MYBL1: variants seen among roughly 807,000 people sequenced by gnomAD.
MYBL1 encodes the protein myb-related protein A.
A neutral mutation model predicts 96.3 loss-of-function variants in MYBL1; 17 were observed. The ratio of observed to expected loss-of-function variants is 0.18; its 90% CI spans 0.12 to 0.26. The LOEUF (loss-of-function observed/expected upper bound fraction) is 0.26, where lower values mean the gene tolerates loss of function less well. Among genes scored for constraint, MYBL1 ranks in the 10% least tolerant of loss-of-function variants. MYBL1 has a pLI of 1.00. For synonymous variants in MYBL1, 282 were observed against 292.7 expected (o/e 0.96, Z 0.37); for missense variants, 701 against 882.9 (o/e 0.79, Z 2.61).
At chr8:66,578,485 C>T (rs950812224) in intron 9 of MYBL1, among the ~76,000 whole-genome samples, 3 of 152,182 alleles carry the variant, frequency 2.0e-5, no homozygotes, top group African/African-American at 7.2e-5. Flanking sequence ...AAAAAATGCT[C>T]ATCATCACTG....
chr8:66,612,231 G>A (rs1279734926), intron 1 of MYBL1: 1 of 152,206 alleles, frequency 6.6e-6, no homozygotes, highest in Non-Finnish European at 1.5e-5. Context: ...GGTCCCAAGA[G>A]AGGATATTAA....
chr8:66,586,068 T>G (rs990478639), intron 8 of MYBL1, among the ~76,000 whole-genome samples: 3 of 139,344 alleles, frequency 2.2e-5, no homozygotes, highest in Non-Finnish European at 3.0e-5. Flanking sequence ...TTTTTTGAGA[T>G]AAGGTCCGGC....
At chr8:66,593,783 T>C (rs763244585) in intron 6 of MYBL1, among the ~76,000 whole-genome samples, 3 of 152,176 alleles carry the variant, frequency 2.0e-5, no homozygotes, top group African/African-American at 2.4e-5. Context: ...ATTTTCAAGA[T>C]ACATATAAAT....
intron 12 of MYBL1, among the ~76,000 whole-genome samples, chr8:66,571,156 A>T (rs1054428550): frequency 9.2e-5 from 14 of 152,250 alleles, no homozygotes; most frequent in Non-Finnish European, 1.5e-5. Context: ...CGTATTTCTA[A>T]AGAACTTGTC....
At position 66,569,806 on chromosome 8, in the gene MYBL1, C is replaced by A. The variant is rs960017838; in HGVS notation, c.1728+2676G>T. ...GTTCTAATGTGTCAAAAGCAAAGAACTCCTGCATTTAATACTTTTCAGGTT... is the reference window on the plus strand; with the variant it reads ...GTTCTAATGTGTCAAAAGCAAAGAAATCCTGCATTTAATACTTTTCAGGTT... On this transcript the variant is annotated intron_variant, in intron 12 of 15. Transcript: ENST00000522677. 3.6e-4 allele frequency among the ~76,000 whole-genome samples: 55 copies of A among 152,206 alleles called. 1 individual carries two copies. The highest frequency in any genetic ancestry group is 2.5e-4 in the Non-Finnish European group (17 of 68,036).
rs544544955 is a variant in MYBL1 at position 66,588,886 on chromosome 8, G to A, written c.867+3554C>T. Among the ~76,000 whole-genome samples the A allele has an allele frequency of 5.9e-4, 90 of 152,280 alleles. 1 individual carries two copies. The highest frequency in any genetic ancestry group is 2.0e-3 in the African/African-American group (82 of 41,560). ...AACACAAAAATTAGCTGGGTATGGT[G>A]GCACATGCCTGTAATCTCAGCTACT... On this transcript the variant is annotated intron_variant, in intron 8 of 15. Transcript: ENST00000522677.
intron 12 of MYBL1, among the ~76,000 whole-genome samples, chr8:66,567,974 G>A (rs2129702612): frequency 6.6e-6 from 1 of 150,408 alleles, no homozygotes; most frequent in Non-Finnish European, 1.5e-5. Context: ...TTGAACCCAG[G>A]AGGCAGAAGT....
At position 66,612,913 on chromosome 8, in the gene MYBL1, T is replaced by C; in HGVS notation, c.-75A>G. On this transcript the variant is annotated 5_prime_UTR_variant, in exon 1 of 16. Transcript: ENST00000522677. ...CCTCCAGCCTCCGGCGAATGCTCCTTCTCCCCGATCCTCTAGCCGCTTCCC... is the reference window on the plus strand; with the variant it reads ...CCTCCAGCCTCCGGCGAATGCTCCTCCTCCCCGATCCTCTAGCCGCTTCCC... 7.6e-7 allele frequency: 1 copy of C among 1,309,122 alleles called. No individual in the cohort carries two copies. The highest frequency in any genetic ancestry group is 2.7e-5 in the South Asian group (1 of 37,072). The allele number at this position is 1,309,122 out of a possible 1,614,324, so 81.1% of individuals were successfully genotyped here.
chr8:66,582,348 AT>A (rs1258997990), intron 8 of MYBL1, among the ~76,000 whole-genome samples: 2 of 152,022 alleles, frequency 1.3e-5, no homozygotes, highest in Admixed American at 6.6e-5. Context: ...GGAAAAAGAT[AT>A]TCTATGCAAA....
chr8:66,569,606 C>T (rs1356312413), intron 12 of MYBL1, among the ~76,000 whole-genome samples: 1 of 152,114 alleles, frequency 6.6e-6, no homozygotes, highest in Non-Finnish European at 1.5e-5. Context: ...CTGTCTTGAT[C>T]TCCCAAAGTG....
At chr8:66,608,083 C>A (rs1810391643) in intron 1 of MYBL1, among the ~76,000 whole-genome samples, 1 of 152,142 alleles carries the variant, frequency 6.6e-6, no homozygotes, top group Non-Finnish European at 1.5e-5. Context: ...AAGGTTCTTA[C>A]AAAATATTTT....
intron 3 of MYBL1, among the ~76,000 whole-genome samples, chr8:66,601,333 A>G (rs956117404): frequency 6.6e-6 from 1 of 152,138 alleles, no homozygotes; most frequent in African/African-American, 2.4e-5. Flanking sequence ...TCAGATGATA[A>G]GCTTTTTTTA....
Position 66,571,729 on chromosome 8 carries a change from A to C in MYBL1, c.1728+753T>G, listed in dbSNP as rs536869691. Among the ~76,000 whole-genome samples, 121 of 152,010 alleles carry C rather than the reference A, an allele frequency of 8.0e-4. 1 individual carries two copies. The South Asian group carries it at 0.025, about 31-fold the overall frequency. On this transcript the variant is annotated intron_variant, in intron 12 of 15. Coordinates refer to ENST00000522677, the MANE Select transcript of MYBL1 (RefSeq NM_001080416.4). ...AACCCCATTTCTACTAAAAATACAA[A>C]AATTAGCTGGGCGTGGTGGCGCAAG...
At chr8:66,572,024 T>C (rs1172506957) in intron 12 of MYBL1, among the ~76,000 whole-genome samples, 4 of 151,738 alleles carry the variant, frequency 2.6e-5, no homozygotes, top group Non-Finnish European at 5.9e-5. Flanking sequence ...AACTTGAAAA[T>C]TAGGCCAGGT....
intron 12 of MYBL1, among the ~76,000 whole-genome samples, chr8:66,570,265 G>A (rs910829880): frequency 4.6e-5 from 7 of 151,786 alleles, no homozygotes; most frequent in African/African-American, 1.5e-4. Context: ...AAATGGACAA[G>A]GACTTTAGGT....
chr8:66,574,842 G>A (rs938607055), intron 10 of MYBL1, among the ~76,000 whole-genome samples: 1 of 152,156 alleles, frequency 6.6e-6, no homozygotes, highest in Admixed American at 6.5e-5. Context: ...ATCACCTAAG[G>A]TTGGGAGTTC....
chr8:66,602,832 G>A (rs1467784878), intron 1 of MYBL1, among the ~76,000 whole-genome samples: 11 of 136,586 alleles, frequency 8.1e-5, no homozygotes, highest in Admixed American at 1.6e-4. Flanking sequence ...TGCAAGCTCC[G>A]CCTCCCAGGT....
Position 66,597,349 on chromosome 8 carries a change from C to T in MYBL1, c.493G>A (p.Ala165Thr). 2 of 1,602,712 alleles carry T rather than the reference C, an allele frequency of 1.2e-6. No individual in the cohort carries two copies. The highest frequency in any genetic ancestry group is 8.5e-7 in the Non-Finnish European group (1 of 1,174,204). Residue 165 changes from alanine (A) to threonine (T), a missense_variant, in exon 5 of 16, where the codon GCC (alanine) becomes ACC (threonine). Around this residue, in one of 5 missense-constraint regions of MYBL1, gnomAD observed 37 missense variants for 135.0 expected, o/e 0.27. Coordinates refer to ENST00000522677, the MANE Select transcript of MYBL1 (RefSeq NM_001080416.4). ...KRLGNRWAEI[A>T]KLLPGRTDNS... ...AAGCACCTTCCTGGAAGTAGTTTGG[C>T]AATTTCTGCCCAACGATTTCCCAAC...
At chr8:66,575,367 CTTA>C (rs1398106572) in intron 10 of MYBL1, among the ~76,000 whole-genome samples, 1 of 152,180 alleles carries the variant, frequency 6.6e-6, no homozygotes, top group African/African-American at 2.4e-5. Context: ...GAAACCGGAT[CTTA>C]GTCTCAGCCT....
Sources: gnomAD v4.1 joint callset for allele counts (sites outside exome capture counted in the v4.1 genomes callset) on GRCh38, gnomAD v4.1.1 for gene constraint, gnomAD v4.1.1 regional missense constraint, MANE v1.5 for transcripts, NCBI Gene and HGNC (gene_info 2026-07-23, HGNC 2026-07-21) for gene names.